LARP1B: variants seen among roughly 807,000 people sequenced by gnomAD.
LARP1B encodes la-related protein 1B.
LARP1B carries 76 observed loss-of-function variants against 114.2 expected under a neutral mutation model. The observed-to-expected ratio is 0.67, with a 90% CI of 0.55 to 0.81. The LOEUF (loss-of-function observed/expected upper bound fraction) is 0.81, where lower values mean the gene tolerates loss of function less well. Ranked by LOEUF, LARP1B falls within the 30% of genes least tolerant of loss-of-function variation. The pLI is 0.00. For missense variants in LARP1B, 1,014 were observed against 1,075.8 expected, an observed-to-expected ratio of 0.94 and a Z score of 0.80; for synonymous variants, 345 against 348.0, an observed-to-expected ratio of 0.99 and a Z score of 0.10.
At chr4:128,136,407 A>C (rs1580864820) in intron 11 of LARP1B, among the ~76,000 whole-genome samples, 2 of 152,210 alleles carry the variant, frequency 1.3e-5, no homozygotes, top group African/African-American at 4.8e-5. Context: ...TGACTTAGAG[A>C]TAAAAAGCAT....
At chr4:128,076,416 C>T (rs1379136745) in intron 3 of LARP1B, among the ~76,000 whole-genome samples, 1 of 151,988 alleles carries the variant, frequency 6.6e-6, no homozygotes, top group East Asian at 1.9e-4. Flanking sequence ...GGCTTGTACT[C>T]AGCATTATTT....
chr4:128,220,063 T>A (rs531320486), intron 6 of LARP1B, among the ~76,000 whole-genome samples: 2 of 152,218 alleles, frequency 1.3e-5, no homozygotes, highest in African/African-American at 4.8e-5. Flanking sequence ...TTTTTTATTT[T>A]TAATAGAGAC....
chr4:128,108,448 G>A, intron 9 of LARP1B: 2 of 985,530 alleles, frequency 2.0e-6, no homozygotes, highest in South Asian at 9.4e-5. Context: ...TTAAGAACTG[G>A]ATGAGGTTAT....
intron 8 of LARP1B, among the ~76,000 whole-genome samples, chr4:128,098,747 G>GTATATATATATATATA (rs1554010737): frequency 0.013 from 205 of 15,532 alleles, 13 homozygotes; most frequent in Non-Finnish European, 0.02. Flanking sequence ...ATATGTATGT[G>GTATATATATATATATA]TATATATATA....
intron 11 of LARP1B, among the ~76,000 whole-genome samples, chr4:128,124,258 A>G (rs757104997): frequency 2.0e-5 from 3 of 152,202 alleles, no homozygotes; most frequent in Non-Finnish European, 4.4e-5. Flanking sequence ...ACAAATTACA[A>G]TAAATACTCT....
intron 15 of LARP1B, among the ~76,000 whole-genome samples, chr4:128,194,773 AGGAGAATC>A (rs141777760): frequency 0.018 from 2,701 of 148,382 alleles, 64 homozygotes; most frequent in East Asian, 0.11. Context: ...AGGCTGAGGC[AGGAGAATC>A]GCTTGAACCT....
At chr4:128,187,805 C>T (rs897331119) in intron 15 of LARP1B, among the ~76,000 whole-genome samples, 21 of 152,060 alleles carry the variant, frequency 1.4e-4, no homozygotes, top group African/African-American at 4.1e-4. Flanking sequence ...ATTGGATCAC[C>T]GGGGCAGTTT....
intron 12 of LARP1B, among the ~76,000 whole-genome samples, chr4:128,167,787 A>T (rs896398628): frequency 6.6e-6 from 1 of 152,038 alleles, no homozygotes; most frequent in Non-Finnish European, 1.5e-5. Context: ...GCCTCTTTGT[A>T]TTCAACCCAG....
rs1725558283 is a variant in LARP1B, at chr4:128,136,863, A to G, written c.1524+14675A>G. On this transcript the variant is annotated intron_variant, in intron 11 of 19. Transcript: ENST00000326639. ...GAGATTCTATGGCCTTGCCCTCCCAAAGTGTTGGGATTATAGGCATGCCAC... is the reference window on the plus strand; with the variant it reads ...GAGATTCTATGGCCTTGCCCTCCCAGAGTGTTGGGATTATAGGCATGCCAC... 2.0e-5 allele frequency among the ~76,000 whole-genome samples: 3 copies of G among 152,074 alleles called. 1 individual carries two copies. Among genetic ancestry groups the G allele is most frequent in the Admixed American group, 2.0e-4 (3 of 15,248 alleles).
Position 128,211,640 on chromosome 4 carries a change from G to T in LARP1B, c.*1587G>T, listed in dbSNP as rs1759001942. 10 of 982,634 alleles carry T rather than the reference G, an allele frequency of 1.0e-5. No individual in the cohort carries two copies. Among genetic ancestry groups the T allele is most frequent in the South Asian group, 9.4e-5 (2 of 21,226 alleles). 60.9% of individuals were successfully genotyped at this position (982,634 alleles called of 1,614,324 possible). A position where few individuals can be genotyped will look rare whatever the true frequency, so the allele number is the denominator to read the frequency against. ...ATCTTCAAGTCTTTTCTTAAATGGG[G>T]TATGTAGTTCCAGCTTTTCAGTGAG... On this transcript the variant is annotated 3_prime_UTR_variant, in exon 20 of 20. Transcript: ENST00000326639.
chr4:128,093,031 G>T (rs1316347048), intron 7 of LARP1B: 1 of 985,264 alleles, frequency 1.0e-6, no homozygotes, highest in Non-Finnish European at 1.2e-6. Context: ...GAGCCTCTAA[G>T]GTAGGACTTG....
At chr4:128,122,508 C>T (rs1362209476) in intron 11 of LARP1B, 26 of 1,521,052 alleles carry the variant, frequency 1.7e-5, no homozygotes, top group African/African-American at 2.9e-5. Flanking sequence ...CGCCCTTTCT[C>T]GTATGAAAGA....
intron 12 of LARP1B, among the ~76,000 whole-genome samples, chr4:128,169,601 C>CT (rs1742649301): frequency 6.6e-6 from 1 of 151,862 alleles, no homozygotes; most frequent in Non-Finnish European, 1.5e-5. Context: ...TATTCTCTCT[C>CT]TATCTCTATT....
chr4:128,065,259 T>C (rs1490380932), intron 1 of LARP1B, among the ~76,000 whole-genome samples: 10 of 68,530 alleles, frequency 1.5e-4, no homozygotes, highest in Non-Finnish European at 6.4e-5. Flanking sequence ...ATTAATTTCT[T>C]TCTTTCTTTC....
rs527717006 is a variant in LARP1B, at chr4:128,071,948, T to A, written c.-77-2512T>A. ...ATTTTCTTTAACTATTTACAGTTAT[T>A]TCCTTGTAGGTCCCAGGGTTTAAGG... On this transcript the variant is annotated intron_variant, in intron 1 of 19. Coordinates refer to ENST00000326639, the MANE Select transcript of LARP1B (RefSeq NM_018078.4). 2.6e-5 allele frequency among the ~76,000 whole-genome samples: 4 copies of A among 152,206 alleles called. No individual in the cohort carries two copies. The South Asian group carries it at 6.2e-4, about 24-fold the overall frequency.
At chr4:128,130,880 A>G (rs996959236) in intron 11 of LARP1B, among the ~76,000 whole-genome samples, 3 of 152,226 alleles carry the variant, frequency 2.0e-5, no homozygotes, top group Non-Finnish European at 2.9e-5. Flanking sequence ...GTGAAAAGAC[A>G]TGGATTCATA....
intron 7 of LARP1B, among the ~76,000 whole-genome samples, chr4:128,095,984 A>G (rs1350521357): frequency 6.8e-6 from 1 of 146,890 alleles, no homozygotes; most frequent in East Asian, 2.0e-4. Flanking sequence ...ACATATATGG[A>G]GGCTATAATT....
chr4:128,166,976 A>C (rs765294918), intron 12 of LARP1B, among the ~76,000 whole-genome samples: 3,633 of 126,952 alleles, frequency 0.029, 51 homozygotes, highest in Admixed American at 0.06. Context: ...CTCTCTATAT[A>C]TATATATATA....
chr4:128,168,228 A>G (rs1741983158), intron 12 of LARP1B, among the ~76,000 whole-genome samples: 1 of 151,830 alleles, frequency 6.6e-6, no homozygotes, highest in African/African-American at 2.4e-5. Context: ...TACCAACAAT[A>G]TATGAGGGTT....
Sources: gnomAD v4.1 joint callset for allele counts (sites outside exome capture counted in the v4.1 genomes callset) on GRCh38, gnomAD v4.1.1 for gene constraint, MANE v1.5 for transcripts, NCBI Gene and HGNC (gene_info 2026-07-23, HGNC 2026-07-21) for gene names.